The following MAML2 variants were observed in gnomAD, a reference collection of about 807,000 sequenced individuals.
MAML2 encodes the protein mastermind-like protein 2.
In MAML2, 22 loss-of-function variants were observed where a neutral mutation model predicts 96.1. The ratio of observed to expected loss-of-function variants is 0.23; its 90% confidence interval spans 0.16 to 0.33. The LOEUF is 0.33. Among genes scored for constraint, MAML2 ranks in the 10% least tolerant of loss-of-function variants. The pLI is 1.00. For synonymous variants in MAML2, 561 were observed against 521.3 expected (o/e 1.08, Z -1.04); for missense variants, 1,367 against 1,392.4 (o/e 0.98, Z 0.29).
intron 1 of MAML2, among the ~76,000 whole-genome samples, chr11:96,135,936 A>G (rs1304983116): frequency 3.3e-5 from 5 of 152,184 alleles, no homozygotes; most frequent in African/African-American, 1.2e-4. Flanking sequence ...GGGACACAGT[A>G]GATACTTAAT....
At chr11:96,029,035 C>G (rs1440436863) in intron 2 of MAML2, among the ~76,000 whole-genome samples, 1 of 152,178 alleles carries the variant, frequency 6.6e-6, no homozygotes, top group Non-Finnish European at 1.5e-5. Flanking sequence ...CCAGGCCCCA[C>G]TCACTATCTT....
intron 2 of MAML2, among the ~76,000 whole-genome samples, chr11:96,078,831 A>G (rs191655684): frequency 2.0e-5 from 3 of 152,358 alleles, no homozygotes; most frequent in Admixed American, 2.0e-4. Flanking sequence ...TCTTTCATTC[A>G]TTTTAAATCC....
chr11:96,117,155 A>G (rs1860257931), intron 1 of MAML2, among the ~76,000 whole-genome samples: 1 of 152,206 alleles, frequency 6.6e-6, no homozygotes, highest in Admixed American at 6.5e-5. Flanking sequence ...ATGTGGGCAG[A>G]AAGGAAATAA....
At chr11:95,988,762 C>T (rs1857866921) in intron 3 of MAML2, among the ~76,000 whole-genome samples, 1 of 151,930 alleles carries the variant, frequency 6.6e-6, no homozygotes, top group South Asian at 2.1e-4. Context: ...GAGATGGCTA[C>T]ATTTTGCAAA....
At chr11:96,100,312 TC>T (rs1425743026) in intron 1 of MAML2, among the ~76,000 whole-genome samples, 258 of 152,094 alleles carry the variant, frequency 1.7e-3, no homozygotes, top group African/African-American at 6.0e-3. Context: ...TGTTTTTCTT[TC>T]TTTTTTTTTT....
At chr11:96,247,939 GAATACTTGAA>G (rs1862532491) in intron 1 of MAML2, among the ~76,000 whole-genome samples, 1 of 152,024 alleles carries the variant, frequency 6.6e-6, no homozygotes, top group Non-Finnish European at 1.5e-5. Flanking sequence ...CCCTACTGTT[GAATACTTGAA>G]AACTGGCTAG....
intron 1 of MAML2, among the ~76,000 whole-genome samples, chr11:96,166,177 T>TCTCTCTCTCTCACACACACA (rs530578845): frequency 1.8e-5 from 2 of 110,330 alleles, no homozygotes; most frequent in Non-Finnish European, 3.7e-5. Flanking sequence ...TCTCTCTCTC[T>TCTCTCTCTCTCACACACACA]CACACACACA....
Position 96,330,426 on chromosome 11 carries a change from G to A in MAML2, c.513+10957C>T, listed in dbSNP as rs573029. Among the ~76,000 whole-genome samples, 394 of 152,286 alleles carry A rather than the reference G, an allele frequency of 2.6e-3. 1 individual carries two copies. The highest frequency in any genetic ancestry group is 9.1e-3 in the African/African-American group (377 of 41,552). On this transcript the variant is annotated intron_variant, in intron 1 of 4. Transcript: ENST00000524717. ...AAGCAGAGTTATGAGGCTCAAAGAC[G>A]TTAAGTAACCAGTCCAAGATAACAC...
At chr11:96,142,287 A>G (rs1860744481) in intron 1 of MAML2, among the ~76,000 whole-genome samples, 1 of 152,148 alleles carries the variant, frequency 6.6e-6, no homozygotes, top group Non-Finnish European at 1.5e-5. Flanking sequence ...GCCCCTAGAA[A>G]ATTTCTCATC....
intron 1 of MAML2, among the ~76,000 whole-genome samples, chr11:96,339,926 A>G (rs1351502161): frequency 6.6e-6 from 1 of 152,222 alleles, no homozygotes; most frequent in Non-Finnish European, 1.5e-5. Context: ...CGAAGCTCTA[A>G]TACAACCCCA....
chr11:96,048,830 T>A (rs1858947379), intron 2 of MAML2, among the ~76,000 whole-genome samples: 1 of 152,248 alleles, frequency 6.6e-6, no homozygotes, highest in South Asian at 2.1e-4. Context: ...ACAATTAAAC[T>A]GCCTAATTTA....
intron 1 of MAML2, among the ~76,000 whole-genome samples, chr11:96,164,850 G>T (rs990488885): frequency 6.6e-6 from 1 of 152,128 alleles, no homozygotes; most frequent in Non-Finnish European, 1.5e-5. Context: ...CCTCCCAACA[G>T]GACTGATTAG....
Position 95,979,915 on chromosome 11 carries a change from G to T in MAML2, c.2504C>A (p.Pro835Gln). Residue 835 changes from proline (P) to glutamine (Q), a missense_variant, in exon 5 of 5, where the codon CCA becomes CAA. Pro to Gln is a moderately conservative substitution (Grantham distance 76). Coordinates refer to ENST00000524717, the MANE Select transcript of MAML2 (RefSeq NM_032427.4). ...SLNSNQALAN[P>Q]VSTHTILTPN... Reference sequence around the variant, plus strand: ...AGTTAAAATGGTGTGTGTTGAAACTGGGTTTGCCAAAGCCTGGTTAGAGTT... The same window carrying T: ...AGTTAAAATGGTGTGTGTTGAAACTTGGTTTGCCAAAGCCTGGTTAGAGTT... The T allele has an allele frequency of 6.2e-7, 1 of 1,613,864 alleles. No individual in the cohort carries two copies. The highest frequency in any genetic ancestry group is 8.5e-7 in the Non-Finnish European group (1 of 1,179,836).
chr11:96,163,599 T>G (rs1181654587), intron 1 of MAML2, among the ~76,000 whole-genome samples: 1 of 152,220 alleles, frequency 6.6e-6, no homozygotes, highest in East Asian at 1.9e-4. Context: ...CTACTCCATC[T>G]TCTCCACTAA....
intron 1 of MAML2, among the ~76,000 whole-genome samples, chr11:96,266,125 A>G (rs1211208328): frequency 6.6e-6 from 1 of 152,114 alleles, no homozygotes; most frequent in Non-Finnish European, 1.5e-5. Flanking sequence ...GCCTGCCCGT[A>G]TGTATGCTCC....
intron 1 of MAML2, among the ~76,000 whole-genome samples, chr11:96,280,239 T>C (rs780232567): frequency 6.6e-6 from 1 of 152,180 alleles, no homozygotes; most frequent in Non-Finnish European, 1.5e-5. Flanking sequence ...TTAATATGCA[T>C]GGCAGTTTAA....
At chr11:96,138,468 A>G (rs1343575856) in intron 1 of MAML2, among the ~76,000 whole-genome samples, 1 of 152,240 alleles carries the variant, frequency 6.6e-6, no homozygotes, top group Non-Finnish European at 1.5e-5. Context: ...GTGTTCCACA[A>G]GGGTGCTCAG....
intron 1 of MAML2, among the ~76,000 whole-genome samples, chr11:96,280,510 T>A (rs1863050313): frequency 6.6e-6 from 1 of 152,240 alleles, no homozygotes; most frequent in Non-Finnish European, 1.5e-5. Flanking sequence ...TCCATTTTTG[T>A]ATTTTTTCCT....
intron 1 of MAML2, among the ~76,000 whole-genome samples, chr11:96,097,732 A>C (rs1365417552): frequency 2.6e-5 from 4 of 152,228 alleles, no homozygotes; most frequent in African/African-American, 9.6e-5. Context: ...AGGGGCTTCA[A>C]AGGCAAGGGT....
Sources: gnomAD v4.1 joint callset for allele counts (sites outside exome capture counted in the v4.1 genomes callset) on GRCh38, gnomAD v4.1.1 for gene constraint, MANE v1.5 for transcripts, NCBI Gene and HGNC (gene_info 2026-07-23, HGNC 2026-07-21) for gene names.